JAKMIP3: variants seen among roughly 807,000 people sequenced by gnomAD.
JAKMIP3 encodes the protein janus kinase and microtubule-interacting protein 3.
A neutral mutation model predicts 118.5 loss-of-function variants in JAKMIP3; 58 were observed. The ratio of observed to expected loss-of-function variants is 0.49; its 90% CI spans 0.40 to 0.61. The LOEUF is 0.61. Ranked by LOEUF, JAKMIP3 falls within the 20% of genes least tolerant of loss-of-function variation. The pLI is 0.00. For synonymous variants in JAKMIP3, 486 were observed against 451.2 expected (o/e 1.08, Z -0.98); for missense variants, 950 against 1,109.0 (o/e 0.86, Z 2.04).
chr10:132,141,786 A>G lies in JAKMIP3; in HGVS notation c.1474-134A>G, dbSNP rs1242944209. The G allele has an allele frequency of 4.0e-6, 4 of 995,954 alleles. No homozygotes were observed. The Admixed American group carries it at 1.1e-4, about 27-fold the overall frequency. 61.7% of individuals were successfully genotyped at this position (995,954 alleles called of 1,614,324 possible). ...CACACTGGAGCAGGTCCCCTCCCTC[A>G]TGCTGCTAGAGAGACCCCCCCATAC... is the stretch of plus-strand genomic sequence containing the variant. On this transcript the variant is annotated intron_variant, in intron 10 of 23. Coordinates refer to ENST00000684848, the MANE Select transcript of JAKMIP3 (RefSeq NM_001323087.2).
upstream of JAKMIP3, among the ~76,000 whole-genome samples, chr10:132,063,041 C>T (rs187396715): frequency 2.1e-4 from 32 of 152,266 alleles, no homozygotes; most frequent in East Asian, 3.9e-4. Context: ...ATGGAGACAC[C>T]GGGCCAGCAG....
chr10:132,071,844 T>TCTTTCTTTCCTTTCTTTC (rs1360102780), intron 1 of JAKMIP3, among the ~76,000 whole-genome samples: 1 of 143,200 alleles, frequency 7.0e-6, no homozygotes, highest in African/African-American at 2.7e-5. Flanking sequence ...CCCTTTCCTT[T>TCTTTCTTTCCTTTCTTTC]CTTTCTTTCC....
intron 1 of JAKMIP3, among the ~76,000 whole-genome samples, chr10:132,045,593 T>C (rs1461554476): frequency 6.6e-6 from 1 of 152,152 alleles, no homozygotes; most frequent in Non-Finnish European, 1.5e-5. Flanking sequence ...CACTTGGAAG[T>C]GAATACAAAA....
rs368190407 is a variant in JAKMIP3, at chr10:132,153,790, C to T, written c.2105C>T (p.Ala702Val). 4.5e-5 allele frequency: 72 copies of T among 1,612,956 alleles called. 1 individual carries two copies. Among genetic ancestry groups the T allele is most frequent in the South Asian group, 3.2e-4 (29 of 91,064 alleles). The change falls in exon 18 of 24, where the codon GCG becomes GTG. Residue 702 changes from alanine to valine, a missense_variant. Coordinates refer to ENST00000684848, the MANE Select transcript of JAKMIP3 (RefSeq NM_001323087.2). ...CAGCAGATTGAGGAGACAGAGGCGG[C>T]GCTGCAGCGGAAGATGGTGGATCTG... is the stretch of plus-strand genomic sequence containing the variant. The part of the protein sequence containing the change: ...WLQQIEETEA[A>V]LQRKMVDLES...
chr10:132,173,274 T>C (rs1251121379), intron 23 of JAKMIP3, among the ~76,000 whole-genome samples: 2 of 138,952 alleles, frequency 1.4e-5, no homozygotes, highest in African/African-American at 2.7e-5. Flanking sequence ...TTCTTAGTGA[T>C]GCCTCCAATT....
intron 20 of JAKMIP3, among the ~76,000 whole-genome samples, chr10:132,163,718 G>T (rs545392281): frequency 1.3e-5 from 2 of 152,374 alleles, no homozygotes; most frequent in South Asian, 4.1e-4. Context: ...GCCTGTCAAT[G>T]GCAGGCACTC....
intron 20 of JAKMIP3, among the ~76,000 whole-genome samples, chr10:132,163,767 C>T (rs766366824): frequency 2.0e-5 from 3 of 152,206 alleles, no homozygotes; most frequent in Non-Finnish European, 4.4e-5. Context: ...GTGTCCTGGG[C>T]GTGTTGCGGA....
At chr10:132,113,924 G>A (rs1408832697) in intron 2 of JAKMIP3, among the ~76,000 whole-genome samples, 9 of 152,212 alleles carry the variant, frequency 5.9e-5, no homozygotes, top group African/African-American at 1.7e-4. Flanking sequence ...TTACTGTCCC[G>A]TCCTTCGCCT....
At position 132,149,427 on chromosome 10, in the gene JAKMIP3, T is replaced by C; in HGVS notation, c.1864T>C (p.Ser622Pro). The change falls in exon 15 of 24, where the codon TCA (serine) becomes CCA (proline). Residue 622 changes from serine to proline, a missense_variant. Transcript: ENST00000684848. The stretch of plus-strand genomic sequence containing the variant: ...TCTGTCCTAGGAGAGGGAGAGGAAG[T>C]CACCCGCCATCAGCTTCCACCACAC... ...ILELEERERK[S>P]PAISFHHTPF... The C allele has an allele frequency of 6.2e-7, 1 of 1,601,638 alleles. No individual in the cohort carries two copies. Among genetic ancestry groups the C allele is most frequent in the Non-Finnish European group, 8.5e-7 (1 of 1,174,966 alleles).
chr10:132,145,163 G>C lies in JAKMIP3; in HGVS notation c.1659G>C (p.Leu553=). Residue 553 remains leucine, a synonymous_variant, in exon 12 of 24, where the codon CTG becomes CTC. Coordinates refer to ENST00000684848, the MANE Select transcript of JAKMIP3 (RefSeq NM_001323087.2). Reference sequence around the variant, plus strand: ...GGGCACAGGCGCGGATAGAGGACCTGGAGAAGGCCCTGGCGGAGCAGGGGC... The same window carrying C: ...GGGCACAGGCGCGGATAGAGGACCTCGAGAAGGCCCTGGCGGAGCAGGGGC... ...VQRAQARIED[L]EKALAEQGQD... 6.2e-7 allele frequency: 1 copy of C among 1,612,054 alleles called. No homozygotes were observed. The highest frequency in any genetic ancestry group is 8.5e-7 in the Non-Finnish European group (1 of 1,179,570).
intron 19 of JAKMIP3, among the ~76,000 whole-genome samples, chr10:132,162,622 A>T (rs1350633079): frequency 6.6e-6 from 1 of 152,186 alleles, no homozygotes; most frequent in Non-Finnish European, 1.5e-5. Context: ...AAGATGTTAC[A>T]TTTGGTTGGG....
chr10:132,176,834 T>A (rs1243933511), intron 23 of JAKMIP3, among the ~76,000 whole-genome samples: 1 of 151,954 alleles, frequency 6.6e-6, no homozygotes, highest in Non-Finnish European at 1.5e-5. Flanking sequence ...TGAACATTCC[T>A]GTGGAGTCTC....
At chr10:132,140,736 C>T (rs1434986545) in intron 10 of JAKMIP3, among the ~76,000 whole-genome samples, 157 bp downstream of exon 10, 1 of 152,200 alleles carries the variant, frequency 6.6e-6, no homozygotes, top group Non-Finnish European at 1.5e-5. Flanking sequence ...CCTTCGCGGC[C>T]CTCACTGGCA....
rs534681833 is a variant in JAKMIP3 at position 132,059,075 on chromosome 10, G to A, written c.-138+22337G>A. ...TGTCTGACTCTGAACAGCTGTTCGC[G>A]CGGACGACAAACGCGACCCAGGATG... On this transcript the variant is annotated intron_variant, in intron 1 of 23. Transcript: ENST00000657785. Among the ~76,000 whole-genome samples the A allele has an allele frequency of 2.0e-5, 3 of 152,348 alleles. No homozygotes were observed. The South Asian group carries it at 6.2e-4, about 32-fold the overall frequency.
chr10:132,117,610 TGC>T lies in JAKMIP3; in HGVS notation c.633+37_633+38del. 3.6e-6 allele frequency: 2 copies of T among 549,724 alleles called. No homozygotes were observed. The highest frequency in any genetic ancestry group is 5.3e-5 in the African/African-American group (1 of 18,752). 34.1% of individuals were successfully genotyped at this position (549,724 alleles called of 1,614,324 possible). On this transcript the variant is annotated intron_variant, in intron 3 of 23. Transcript: ENST00000684848. The surrounding 1 kb of genome is among the most constrained non-coding windows in gnomAD (Gnocchi z 8.6). Reference sequence around the variant, plus strand: ...AGGCAGGGGCGGGCGTGGGCGAGGGTGCAGGGGCGGGCGTGGGCGAGGGTGCA... The same window carrying T: ...AGGCAGGGGCGGGCGTGGGCGAGGGTAGGGGCGGGCGTGGGCGAGGGTGCA...
At chr10:132,157,584 A>G (rs1299926089) in intron 19 of JAKMIP3, among the ~76,000 whole-genome samples, 1 of 152,224 alleles carries the variant, frequency 6.6e-6, no homozygotes, top group African/African-American at 2.4e-5. Flanking sequence ...CTTGCAGCCC[A>G]AACTTCCACT....
chr10:132,149,721 C>CCCCACCTCACCCCTG, intron 15 of JAKMIP3, among the ~76,000 whole-genome samples: 1 of 1,632 alleles, frequency 6.1e-4, no homozygotes, highest in African/African-American at 2.6e-3. Flanking sequence ...TACCCCTACC[C>CCCCACCTCACCCCTG]CCCCACCTCA....
intron 1 of JAKMIP3, among the ~76,000 whole-genome samples, chr10:132,095,404 G>T (rs1217444997): frequency 6.6e-6 from 1 of 152,156 alleles, no homozygotes; most frequent in African/African-American, 2.4e-5. Context: ...TTTTCCCACT[G>T]CTTCCTCCGC....
At chr10:132,060,586 A>G (rs1003434602), upstream of JAKMIP3, among the ~76,000 whole-genome samples, 5 of 152,196 alleles carry the variant, frequency 3.3e-5, no homozygotes, top group Non-Finnish European at 1.5e-5. Flanking sequence ...ATCTCGCATG[A>G]ATTTGCCTCT....
Sources: allele counts gnomAD v4.1 joint callset (sites outside exome capture counted in the v4.1 genomes callset), GRCh38; gene constraint gnomAD v4.1.1; non-coding constraint Gnocchi (gnomAD v3.1); transcripts MANE v1.5; gene names NCBI Gene and HGNC (gene_info 2026-07-23, HGNC 2026-07-21).